ARHGEF4: variants seen among roughly 807,000 people sequenced by gnomAD.
The protein encoded by ARHGEF4 is Rho guanine nucleotide exchange factor 4.
A neutral mutation model predicts 162.0 loss-of-function variants in ARHGEF4; 119 were observed. The observed-to-expected ratio is 0.73, with a 90% CI of 0.63 to 0.86. ARHGEF4 has a LOEUF of 0.86. Among genes scored for constraint, ARHGEF4 ranks in the 40% least tolerant of loss-of-function variants. ARHGEF4 has a pLI of 0.00. For synonymous variants in ARHGEF4, 1,014 were observed against 979.9 expected (o/e 1.03, Z -0.65); for missense variants, 2,488 against 2,456.0 (o/e 1.01, Z -0.28).
rs1558908900 is a variant in ARHGEF4 at position 131,046,188 on chromosome 2, G to C, written c.5630G>C (p.Ter1877SerextTer91). 1 of 1,610,604 alleles carries C rather than the reference G, an allele frequency of 6.2e-7. No homozygotes were observed. Among genetic ancestry groups the C allele is most frequent in the Non-Finnish European group, 8.5e-7 (1 of 1,178,350 alleles). Residue 1877 changes from the stop codon to serine, a stop_lost, in exon 14 of 14, where the codon TGA becomes TCA. Transcript: ENST00000409359. ...SISRLAPFRK[*>S] ...AGCCGGCTGGCACCCTTCCGCAAGT[G>C]AACTGGTCCCTGCCTGACAGCACCT...
chr2:130,955,824 C>A (rs899733240), intron 4 of ARHGEF4, among the ~76,000 whole-genome samples: 1 of 152,170 alleles, frequency 6.6e-6, no homozygotes, highest in Admixed American at 6.5e-5. Flanking sequence ...GGTTACAGTC[C>A]AGGCTATATG....
In ARHGEF4 at chr2:130,915,561, G is replaced by C. The variant is rs779356694; in HGVS notation, c.1615G>C (p.Asp539His). The change falls in exon 2 of 14, where the codon GAC becomes CAC. Residue 539 changes from aspartate to histidine, a missense_variant. Asp to His is a moderately conservative substitution (Grantham distance 81). Transcript: ENST00000409359. ...SSEGTQVWSGDLMGCLEVSDS... is the reference protein window; with the variant it reads ...SSEGTQVWSGHLMGCLEVSDS... Reference sequence around the variant, plus strand: ...TGAGGGGACCCAGGTGTGGAGTGGAGACTTGATGGGCTGCTTGGAAGTGAG... The same window carrying C: ...TGAGGGGACCCAGGTGTGGAGTGGACACTTGATGGGCTGCTTGGAAGTGAG... 6.4e-7 allele frequency: 1 copy of C among 1,550,456 alleles called. No individual in the cohort carries two copies. Among genetic ancestry groups the C allele is most frequent in the African/African-American group, 1.4e-5 (1 of 73,032 alleles).
At chr2:131,045,653 A>G in intron 13 of ARHGEF4, 1 of 1,509,922 alleles carries the variant, frequency 6.6e-7, no homozygotes, top group Non-Finnish European at 8.9e-7. Flanking sequence ...CTTACTCTCA[A>G]CACCTTGGCT....
intron 4 of ARHGEF4, among the ~76,000 whole-genome samples, chr2:130,967,930 T>C (rs973981565): frequency 6.6e-6 from 1 of 152,242 alleles, no homozygotes; most frequent in African/African-American, 2.4e-5. Context: ...TCAGTCACTC[T>C]GCCTCAATAT....
chr2:130,961,197 G>A (rs926195266), intron 4 of ARHGEF4, among the ~76,000 whole-genome samples: 3 of 152,218 alleles, frequency 2.0e-5, no homozygotes, highest in Non-Finnish European at 4.4e-5. Flanking sequence ...TGCAGCAGGT[G>A]CGCTGTACTC....
chr2:130,868,226 A>G (rs1682440510), intron 1 of ARHGEF4, among the ~76,000 whole-genome samples: 1 of 152,006 alleles, frequency 6.6e-6, no homozygotes, highest in Non-Finnish European at 1.5e-5. Context: ...CACCCGGCCA[A>G]GGGTGGATGT....
At chr2:130,881,402 A>G (rs2104960291) in intron 1 of ARHGEF4, among the ~76,000 whole-genome samples, 1 of 152,310 alleles carries the variant, frequency 6.6e-6, no homozygotes, top group African/African-American at 2.4e-5. Context: ...GTTTAGGGTA[A>G]GATTAGTGTT....
At chr2:130,964,162 G>C in intron 4 of ARHGEF4, 1 of 985,254 alleles carries the variant, frequency 1.0e-6, no homozygotes, top group Non-Finnish European at 1.2e-6. Flanking sequence ...CAGCGGCGTG[G>C]TGTGTGGCGG....
At chr2:130,875,013 C>T (rs1448543658) in intron 1 of ARHGEF4, among the ~76,000 whole-genome samples, 1 of 152,086 alleles carries the variant, frequency 6.6e-6, no homozygotes, top group East Asian at 1.9e-4. Context: ...AACTCTGGTT[C>T]GTTTTTTGAT....
At chr2:131,002,474 GC>G (rs1470787689) in intron 4 of ARHGEF4, among the ~76,000 whole-genome samples, 2 of 152,060 alleles carry the variant, frequency 1.3e-5, no homozygotes, top group South Asian at 2.1e-4. Flanking sequence ...ACTTTGGGAG[GC>G]CGAGGCGGGC....
At chr2:130,960,186 G>A (rs1359994315) in intron 4 of ARHGEF4, among the ~76,000 whole-genome samples, 2 of 152,174 alleles carry the variant, frequency 1.3e-5, no homozygotes, top group African/African-American at 2.4e-5. Context: ...ATGAGTGAAT[G>A]TGAAGGCCTA....
intron 2 of ARHGEF4, among the ~76,000 whole-genome samples, chr2:130,919,885 AAAAG>A (rs1559040692): frequency 6.6e-6 from 1 of 150,448 alleles, no homozygotes; most frequent in Non-Finnish European, 1.5e-5. Flanking sequence ...CAAAAAAAAA[AAAAG>A]TGATATATAC....
chr2:130,847,957 G>C (rs971203749), intron 1 of ARHGEF4, among the ~76,000 whole-genome samples: 1 of 151,856 alleles, frequency 6.6e-6, no homozygotes, highest in African/African-American at 2.4e-5. Flanking sequence ...CCGCTGGGCT[G>C]GGGTCTGTCT....
intron 1 of ARHGEF4, among the ~76,000 whole-genome samples, chr2:130,853,842 C>T (rs923041339): frequency 2.0e-5 from 3 of 152,142 alleles, no homozygotes; most frequent in East Asian, 3.9e-4. Flanking sequence ...GGAGGTGAGC[C>T]GGAGGATGCA....
intron 2 of ARHGEF4, among the ~76,000 whole-genome samples, chr2:130,928,265 G>A (rs1047982265): frequency 1.3e-5 from 2 of 152,196 alleles, no homozygotes; most frequent in Non-Finnish European, 2.9e-5. Flanking sequence ...TCTTCTCTGA[G>A]GTGGGTCAGT....
intron 2 of ARHGEF4, among the ~76,000 whole-genome samples, chr2:130,923,698 G>A (rs1231970117): frequency 2.0e-5 from 3 of 152,144 alleles, no homozygotes; most frequent in South Asian, 2.1e-4. Flanking sequence ...GAGGTTTGAC[G>A]GTGGGGCACC....
chr2:130,849,662 A>G (rs957896088), intron 1 of ARHGEF4, among the ~76,000 whole-genome samples: 1 of 150,740 alleles, frequency 6.6e-6, no homozygotes, highest in African/African-American at 2.4e-5. Flanking sequence ...TCCTCCTCCC[A>G]GGTTCAAGTA....
At chr2:130,934,791 G>A (rs1682839628) in intron 3 of ARHGEF4, among the ~76,000 whole-genome samples, 2 of 151,880 alleles carry the variant, frequency 1.3e-5, no homozygotes, top group Non-Finnish European at 2.9e-5. Flanking sequence ...TGATCTGCCC[G>A]CCTCAGCCTC....
intron 1 of ARHGEF4, among the ~76,000 whole-genome samples, chr2:130,881,713 G>A (rs1679199799): frequency 6.6e-6 from 1 of 152,124 alleles, no homozygotes; most frequent in Non-Finnish European, 1.5e-5. Context: ...GCTCAGAAGT[G>A]CTGGAGGACC....
Sources: gnomAD v4.1 joint callset for allele counts (sites outside exome capture counted in the v4.1 genomes callset) on GRCh38, gnomAD v4.1.1 for gene constraint, MANE v1.5 for transcripts, NCBI Gene and HGNC (gene_info 2026-07-23, HGNC 2026-07-21) for gene names.